The following SLC25A20 variants were observed in gnomAD, a reference collection of about 807,000 sequenced individuals.
SLC25A20 encodes the protein mitochondrial carnitine/acylcarnitine carrier protein.
In SLC25A20, 29 loss-of-function variants were observed where a neutral mutation model predicts 39.7. The ratio of observed to expected loss-of-function variants is 0.73; its 90% CI spans 0.54 to 1.00. The LOEUF (loss-of-function observed/expected upper bound fraction) is 1.00. Among genes scored for constraint, SLC25A20 ranks in the 50% least tolerant of loss-of-function variants. The pLI is 0.00. For missense variants in SLC25A20, 333 were observed against 379.9 expected, an observed-to-expected ratio of 0.88 and a Z score of 1.03; for synonymous variants, 103 against 142.2, an observed-to-expected ratio of 0.72 and a Z score of 1.96.
intron 2 of SLC25A20, among the ~76,000 whole-genome samples, chr3:48,890,890 G>C (rs1450046115): frequency 6.6e-6 from 1 of 151,736 alleles, no homozygotes; most frequent in East Asian, 2.0e-4. Context: ...TCCTGACCTC[G>C]TGATCCACCC....
chr3:48,890,899 C>T (rs1338218320), intron 2 of SLC25A20, among the ~76,000 whole-genome samples: 1 of 152,038 alleles, frequency 6.6e-6, no homozygotes, highest in South Asian at 2.1e-4. Flanking sequence ...CGTGATCCAC[C>T]CGCCTCAGCC....
intron 4 of SLC25A20, among the ~76,000 whole-genome samples, chr3:48,863,969 C>T (rs1474345398): frequency 2.0e-5 from 3 of 150,488 alleles, no homozygotes; most frequent in African/African-American, 4.9e-5. Flanking sequence ...GAGCCGAGAT[C>T]GTGCCACTGC....
chr3:48,878,057 T>C (rs1418082180), intron 4 of SLC25A20, among the ~76,000 whole-genome samples: 1 of 151,828 alleles, frequency 6.6e-6, no homozygotes, highest in Non-Finnish European at 1.5e-5. Flanking sequence ...GGTTAAGAGA[T>C]AGAGACCATC....
At chr3:48,871,558 G>A (rs1413004044) in intron 4 of SLC25A20, among the ~76,000 whole-genome samples, 1 of 151,854 alleles carries the variant, frequency 6.6e-6, no homozygotes, top group African/African-American at 2.4e-5. Flanking sequence ...ACCTGAAGTA[G>A]GGAGTTCGAG....
At chr3:48,884,557 C>G (rs751291210) in intron 2 of SLC25A20, among the ~76,000 whole-genome samples, 4 of 151,832 alleles carry the variant, frequency 2.6e-5, no homozygotes, top group Non-Finnish European at 4.4e-5. Context: ...GCCATGTTGC[C>G]CAAGCTGGTC....
chr3:48,870,558 CTT>C (rs752195846), intron 4 of SLC25A20, among the ~76,000 whole-genome samples: 8 of 123,472 alleles, frequency 6.5e-5, no homozygotes, highest in South Asian at 2.7e-4. Flanking sequence ...TTTTCTTTTT[CTT>C]TTTTTTTTTT....
At chr3:48,858,726 C>T (rs2083599792) in intron 7 of SLC25A20, 95 bp from the exon 8 acceptor site, 1 of 1,499,298 alleles carries the variant, frequency 6.7e-7, no homozygotes, top group Non-Finnish European at 9.3e-7. Context: ...GAAAGGACAC[C>T]TTGCAGGTCA....
intron 6 of SLC25A20, 72 bp downstream of exon 6, chr3:48,859,483 C>A: frequency 7.9e-7 from 1 of 1,262,838 alleles, no homozygotes; most frequent in South Asian, 1.2e-5. Context: ...CTTCTGCTTT[C>A]AGATTCACCC....
chr3:48,896,864 C>T (rs1425980439), intron 1 of SLC25A20, among the ~76,000 whole-genome samples: 1 of 151,858 alleles, frequency 6.6e-6, no homozygotes, highest in East Asian at 1.9e-4. Flanking sequence ...GCAAGCCACA[C>T]TCACCTTCAC....
In SLC25A20 at chr3:48,884,069, A is replaced by T. The variant is rs1374102445; in HGVS notation, c.254T>A (p.Met85Lys). The change falls in exon 3 of 9, where the codon ATG becomes AAG. Residue 85 changes from methionine to lysine, a missense_variant. Physicochemically the swap from Met to Lys is moderately conservative, Grantham distance 95. Transcript: ENST00000319017. ...MAAPIIGVTPMFAVCFFGFGL... is the reference protein window; with the variant it reads ...MAAPIIGVTPKFAVCFFGFGL... ...AAACCCAAAGAAGCACACGGCAAACATGGGAGTGACCCCGATGATAGGGGC... is the reference window on the plus strand; with the variant it reads ...AAACCCAAAGAAGCACACGGCAAACTTGGGAGTGACCCCGATGATAGGGGC... 7 of 1,613,972 alleles carry T rather than the reference A, an allele frequency of 4.3e-6. No homozygotes were observed. Among genetic ancestry groups the T allele is most frequent in the Non-Finnish European group, 5.9e-6 (7 of 1,179,892 alleles).
chr3:48,885,709 T>C (rs1056450466), intron 2 of SLC25A20, among the ~76,000 whole-genome samples: 7 of 151,922 alleles, frequency 4.6e-5, no homozygotes, highest in Non-Finnish European at 1.5e-5. Flanking sequence ...AGCTGAGGCA[T>C]GAGAATCGCT....
rs587777287 is a variant in SLC25A20 at position 48,892,074 on chromosome 3, T to C, written c.106-2A>G. Reference sequence around the variant, plus strand: ...CGGTGGCTGTGTCTGCAGTCGGACCTGAAAACAGAAGTTAAAATGCAGTCA... The same window carrying C: ...CGGTGGCTGTGTCTGCAGTCGGACCCGAAAACAGAAGTTAAAATGCAGTCA... On this transcript the variant is annotated splice_acceptor_variant, in intron 1 of 8. Transcript: ENST00000319017. LOFTEE classifies it high-confidence loss of function. The C allele has an allele frequency of 6.2e-7, 1 of 1,613,244 alleles. No homozygotes were observed. Among genetic ancestry groups the C allele is most frequent in the East Asian group, 2.2e-5 (1 of 44,860 alleles).
In SLC25A20 at chr3:48,892,014, G is replaced by A; in HGVS notation, c.164C>T (p.Thr55Ile). The A allele has an allele frequency of 6.2e-7, 1 of 1,613,906 alleles. No individual in the cohort carries two copies. Among genetic ancestry groups the A allele is most frequent in the African/African-American group, 1.3e-5 (1 of 75,044 alleles). The change falls in exon 2 of 9, where the codon ACC becomes ATC. Residue 55 changes from threonine to isoleucine, a missense_variant. Thr to Ile is a moderately conservative substitution (Grantham distance 89, BLOSUM62 -1). Transcript: ENST00000319017. ...LPGQPPMYSG[T>I]FDCFRKTLFR... ...AAGAGTCTTCCGGAAACAGTCAAAG[G>A]TCCCAGAGTACATGGGAGGTTGTCC...
chr3:48,857,531 C>G lies in SLC25A20; in HGVS notation c.*179G>C. The G allele has an allele frequency of 1.6e-6, 1 of 625,514 alleles. No homozygotes were observed. Among genetic ancestry groups the G allele is most frequent in the Non-Finnish European group, 2.9e-6 (1 of 342,820 alleles). The allele number at this position is 625,514 out of a possible 1,614,324, so 38.7% of individuals were successfully genotyped here. Reference sequence around the variant, plus strand: ...TGAATTCAAGTTTCAAAATGACACACTAAGTTATACACGGTGCAGGATGTC... The same window carrying G: ...TGAATTCAAGTTTCAAAATGACACAGTAAGTTATACACGGTGCAGGATGTC... On this transcript the variant is annotated 3_prime_UTR_variant, in exon 9 of 9. Transcript: ENST00000319017.
chr3:48,864,280 G>A (rs555412520), intron 4 of SLC25A20, among the ~76,000 whole-genome samples: 5 of 148,418 alleles, frequency 3.4e-5, no homozygotes, highest in Non-Finnish European at 5.9e-5. Flanking sequence ...CCTGGGAGGC[G>A]GAAGTTGTAG....
At chr3:48,871,501 C>T (rs1346764147) in intron 4 of SLC25A20, among the ~76,000 whole-genome samples, 1 of 152,120 alleles carries the variant, frequency 6.6e-6, no homozygotes, top group Non-Finnish European at 1.5e-5. Context: ...GGCGCAGTGA[C>T]TCACGCCTGT....
At chr3:48,890,423 C>T (rs7611358) in intron 2 of SLC25A20, among the ~76,000 whole-genome samples, 124,248 of 151,848 alleles carry the variant, frequency 0.82, 51,191 homozygotes, top group East Asian at 1. Flanking sequence ...TCTCCTGACC[C>T]TGTGATCCAC....
Position 48,892,069 on chromosome 3 carries a change from G to A in SLC25A20, c.109C>T (p.Arg37Ter), listed in dbSNP as rs776288377. Residue 37 changes from arginine (R) to a stop codon, truncating the protein, a stop_gained, in exon 2 of 9, where the codon CGA becomes TGA. Transcript: ENST00000319017. LOFTEE classifies it high-confidence loss of function. ...AAACTCGGTGGCTGTGTCTGCAGTC[G>A]GACCTGAAAACAGAAGTTAAAATGC... is the stretch of plus-strand genomic sequence containing the variant. ...VGHPLDTVKV[R>*]LQTQPPSLPG... 1.1e-5 allele frequency: 17 copies of A among 1,613,390 alleles called. No homozygotes were observed. The highest frequency in any genetic ancestry group is 5.0e-5 in the Admixed American group (3 of 59,952).
intron 4 of SLC25A20, among the ~76,000 whole-genome samples, chr3:48,864,296 C>T (rs141017573): frequency 1.7e-4 from 23 of 132,150 alleles, no homozygotes; most frequent in African/African-American, 5.6e-4. Flanking sequence ...TGTAGTGAGC[C>T]GAGATTGCAC....
Sources: allele counts gnomAD v4.1 joint callset (sites outside exome capture counted in the v4.1 genomes callset), GRCh38; gene constraint gnomAD v4.1.1; transcripts MANE v1.5; gene names NCBI Gene and HGNC (gene_info 2026-07-23, HGNC 2026-07-21).